The following DCUN1D2 variants were observed in gnomAD, a reference collection of about 807,000 sequenced individuals.
DCUN1D2 encodes the protein DCN1-like protein 2.
In DCUN1D2, 29 loss-of-function variants were observed where a neutral mutation model predicts 30.9. The ratio of observed to expected loss-of-function variants is 0.94; its 90% confidence interval spans 0.70 to 1.28. The LOEUF (loss-of-function observed/expected upper bound fraction) is 1.28. Among genes scored for constraint, DCUN1D2 ranks in the 50% most tolerant of loss-of-function variants. DCUN1D2 has a pLI of 0.00. For synonymous variants in DCUN1D2, 121 were observed against 115.3 expected (o/e 1.05, Z -0.32); for missense variants, 325 against 316.9 (o/e 1.03, Z -0.19).
rs563304641 is a variant in DCUN1D2 at position 113,488,059 on chromosome 13, C to T, written c.3+2608G>A. 3.2e-4 allele frequency among the ~76,000 whole-genome samples: 48 copies of T among 152,308 alleles called. No individual in the cohort carries two copies. Among genetic ancestry groups the T allele is most frequent in the African/African-American group, 1.1e-3 (47 of 41,570 alleles). On this transcript the variant is annotated intron_variant, in intron 1 of 6. Coordinates refer to ENST00000478244, the MANE Select transcript of DCUN1D2 (RefSeq NM_001014283.2). This position sits in a 1 kb window ranked among gnomAD's most constrained non-coding sequence, Gnocchi z 4.3. ...CCTTGAAGCCTCCCCTAATGTGTGA[C>T]AACACCATAACACCAGCAGCCTAAT...
chr13:113,462,639 A>G, intron 4 of DCUN1D2: 1 of 615,376 alleles, frequency 1.6e-6, no homozygotes, highest in South Asian at 7.2e-5. Context: ...CTTCATGACC[A>G]ACTTTATCAG....
In DCUN1D2 at chr13:113,457,737, T is replaced by C. The variant is rs1352896421; in HGVS notation, c.*292A>G. 7.1e-6 allele frequency: 2 copies of C among 282,632 alleles called. No homozygotes were observed. Among genetic ancestry groups the C allele is most frequent in the Non-Finnish European group, 1.4e-5 (2 of 147,684 alleles). The allele number at this position is 282,632 out of a possible 1,614,324, so 17.5% of individuals were successfully genotyped here. A position where few individuals can be genotyped will look rare whatever the true frequency, so the allele number is the denominator to read the frequency against. On this transcript the variant is annotated 3_prime_UTR_variant, in exon 7 of 7. Transcript: ENST00000478244. Reference sequence around the variant, plus strand: ...CTCTGCGGTCCCACAGGCGGCGCTATGGCTCTACCTTAGTATTTTGTAAAT... The same window carrying C: ...CTCTGCGGTCCCACAGGCGGCGCTACGGCTCTACCTTAGTATTTTGTAAAT...
chr13:113,490,805 C>T (rs1401925663), upstream of DCUN1D2: 2 of 807,874 alleles, frequency 2.5e-6, no homozygotes, highest in Non-Finnish European at 3.2e-6. The surrounding 1 kb of genome is among the most constrained non-coding windows in gnomAD (Gnocchi z 5.2). Flanking sequence ...ACTCCCACTC[C>T]CGGCATGCTC....
rs968508611 is a variant in DCUN1D2, at chr13:113,489,029, A to T, written c.3+1638T>A. 6 of 720,422 alleles carry T rather than the reference A, an allele frequency of 8.3e-6. No homozygotes were observed. The Admixed American group carries it at 1.9e-4, about 23-fold the overall frequency. 44.6% of individuals were successfully genotyped at this position (720,422 alleles called of 1,614,324 possible). ...ATACGACTCATATAATCTGGCACCA[A>T]GGATACCCATATGTAAAATGGAAAG... is the stretch of plus-strand genomic sequence containing the variant. On this transcript the variant is annotated intron_variant, in intron 1 of 6. Coordinates refer to ENST00000478244, the MANE Select transcript of DCUN1D2 (RefSeq NM_001014283.2).
intron 6 of DCUN1D2, among the ~76,000 whole-genome samples, chr13:113,458,519 C>T (rs2044264467): frequency 1.3e-5 from 2 of 152,224 alleles, no homozygotes; most frequent in South Asian, 2.1e-4. Flanking sequence ...TTGCTCCCTT[C>T]CCCACCCCGG....
intron 1 of DCUN1D2, chr13:113,484,269 C>T (rs2044762987): frequency 9.7e-6 from 10 of 1,030,146 alleles, no homozygotes; most frequent in Non-Finnish European, 1.3e-5. Flanking sequence ...TGAGAATTAA[C>T]ATTTTATACA....
rs1343188556 is a variant in DCUN1D2, at chr13:113,488,149, A to T, written c.3+2518T>A. On this transcript the variant is annotated intron_variant, in intron 1 of 6. Coordinates refer to ENST00000478244, the MANE Select transcript of DCUN1D2 (RefSeq NM_001014283.2). This position sits in a 1 kb window ranked among gnomAD's most constrained non-coding sequence, Gnocchi z 4.3. ...ATCCAGGCCACTCAAAATGGCTTTG[A>T]ATCACTACTGTTAGCTAGAGTGGAC... Among the ~76,000 whole-genome samples the T allele has an allele frequency of 1.3e-5, 2 of 152,222 alleles. No homozygotes were observed. Among genetic ancestry groups the T allele is most frequent in the Non-Finnish European group, 2.9e-5 (2 of 68,030 alleles).
At chr13:113,463,962 C>T (rs113137497) in intron 4 of DCUN1D2, among the ~76,000 whole-genome samples, 1 of 152,136 alleles carries the variant, frequency 6.6e-6, no homozygotes, top group Admixed American at 6.5e-5. Context: ...CTCACAAGAC[C>T]GACCACATCA....
chr13:113,464,129 G>A (rs1385839717), intron 4 of DCUN1D2, among the ~76,000 whole-genome samples: 1 of 152,158 alleles, frequency 6.6e-6, no homozygotes, highest in East Asian at 1.9e-4. Flanking sequence ...CTTTTCCCGA[G>A]GAGGCTATTG....
chr13:113,488,229 G>T lies in DCUN1D2; in HGVS notation c.3+2438C>A, dbSNP rs2044842378. ...CCCCTGCAATCTACTCAAATTGTCT[G>T]ATGTCACAAGATACTCCAGTAAACC... On this transcript the variant is annotated intron_variant, in intron 1 of 6. Coordinates refer to ENST00000478244, the MANE Select transcript of DCUN1D2 (RefSeq NM_001014283.2). The surrounding 1 kb of genome is among the most constrained non-coding windows in gnomAD (Gnocchi z 4.3). Among the ~76,000 whole-genome samples the T allele has an allele frequency of 6.6e-6, 1 of 152,210 alleles. No homozygotes were observed. Among genetic ancestry groups the T allele is most frequent in the Non-Finnish European group, 1.5e-5 (1 of 68,038 alleles).
chr13:113,483,477 G>T (rs536934420), intron 2 of DCUN1D2, among the ~76,000 whole-genome samples: 1 of 152,272 alleles, frequency 6.6e-6, no homozygotes, highest in African/African-American at 2.4e-5. Context: ...AAATAGAAGT[G>T]CTTGAAAAAA....
At chr13:113,491,517 C>T, upstream of DCUN1D2, among the ~76,000 whole-genome samples, 1 of 151,802 alleles carries the variant, frequency 6.6e-6, no homozygotes, top group East Asian at 1.9e-4. Flanking sequence ...TGGGGCTCCC[C>T]TCCTCTCTCT....
intron 3 of DCUN1D2, among the ~76,000 whole-genome samples, chr13:113,478,566 CT>C (rs1279527325): frequency 2.0e-5 from 3 of 151,996 alleles, no homozygotes; most frequent in Non-Finnish European, 4.4e-5. Context: ...AGATGGAAGG[CT>C]TTGCTCACTG....
intron 4 of DCUN1D2, among the ~76,000 whole-genome samples, chr13:113,472,531 G>T (rs2044538871): frequency 6.6e-6 from 1 of 152,194 alleles, no homozygotes. Context: ...AGTTCACGGG[G>T]ACATGAACAA....
At chr13:113,475,909 C>G (rs1388660045) in intron 3 of DCUN1D2, 1 of 152,212 alleles carries the variant, frequency 6.6e-6, no homozygotes, top group African/African-American at 2.4e-5. Context: ...CTGGGCCAGG[C>G]CCACTGTGCC....
chr13:113,479,678 G>A (rs550102547), intron 3 of DCUN1D2, among the ~76,000 whole-genome samples: 33 of 152,258 alleles, frequency 2.2e-4, no homozygotes, highest in African/African-American at 6.3e-4. Flanking sequence ...AGCCAAGATC[G>A]TGCCACTGCA....
At position 113,456,227 on chromosome 13, in the gene DCUN1D2, C is replaced by T. The variant is rs781244797; in HGVS notation, c.*1802G>A. The stretch of plus-strand genomic sequence containing the variant: ...TCTGGAAGCAGAGCCTGGGGAAGGT[C>T]TGTCACTTGCCCATCACTGGACCAG... On this transcript the variant is annotated 3_prime_UTR_variant, in exon 7 of 7. Transcript: ENST00000478244. 1.5e-5 allele frequency: 6 copies of T among 398,594 alleles called. No individual in the cohort carries two copies. The highest frequency in any genetic ancestry group is 2.2e-5 in the Non-Finnish European group (5 of 226,134). The allele number at this position is 398,594 out of a possible 1,614,324, so 24.7% of individuals were successfully genotyped here. A position where few individuals can be genotyped will look rare whatever the true frequency, so the allele number is the denominator to read the frequency against.
Position 113,490,559 on chromosome 13 carries a change from G to T in DCUN1D2, c.3+108C>A. On this transcript the variant is annotated intron_variant, in intron 1 of 6. Coordinates refer to ENST00000478244, the MANE Select transcript of DCUN1D2 (RefSeq NM_001014283.2). This position sits in a 1 kb window ranked among gnomAD's most constrained non-coding sequence, Gnocchi z 5.2. Reference sequence around the variant, plus strand: ...CTCGGATCCACGCGGAACGCCCCGCGCAGCTCGCTGGGCTCGGCCTCCCAC... The same window carrying T: ...CTCGGATCCACGCGGAACGCCCCGCTCAGCTCGCTGGGCTCGGCCTCCCAC... 4 of 1,083,676 alleles carry T rather than the reference G, an allele frequency of 3.7e-6. No individual in the cohort carries two copies. The highest frequency in any genetic ancestry group is 4.7e-6 in the Non-Finnish European group (4 of 855,712). 67.1% of individuals were successfully genotyped at this position (1,083,676 alleles called of 1,614,324 possible).
At chr13:113,472,965 G>A (rs574401258) in intron 4 of DCUN1D2, among the ~76,000 whole-genome samples, 8 of 146,668 alleles carry the variant, frequency 5.5e-5, no homozygotes, top group East Asian at 2.0e-4. Context: ...CTCTGCTCCC[G>A]TACCTCTGTC....
Sources: gnomAD v4.1 joint callset for allele counts (sites outside exome capture counted in the v4.1 genomes callset) on GRCh38, gnomAD v4.1.1 for gene constraint, Gnocchi (gnomAD v3.1) non-coding constraint, MANE v1.5 for transcripts, NCBI Gene and HGNC (gene_info 2026-07-23, HGNC 2026-07-21) for gene names.